Variants in ANKRD36B observed in about 807,000 individuals in gnomAD.
ANKRD36B encodes the protein ankyrin repeat domain 36B.
In ANKRD36B, 37 loss-of-function variants were observed where a neutral mutation model predicts 135.7. The observed-to-expected ratio is 0.27, with a 90% CI of 0.21 to 0.36. The LOEUF (loss-of-function observed/expected upper bound fraction) is 0.36, where lower values mean the gene tolerates loss of function less well. Among genes scored for constraint, ANKRD36B ranks in the 10% least tolerant of loss-of-function variants. The pLI, the probability that ANKRD36B is intolerant of heterozygous loss-of-function variation, is 1.00. For missense variants in ANKRD36B, 549 were observed against 1,037.1 expected, an observed-to-expected ratio of 0.53 and a Z score of 6.46; for synonymous variants, 179 against 348.1, an observed-to-expected ratio of 0.51 and a Z score of 5.41.
chr2:97,546,691 A>T (rs530892022), intron 22 of ANKRD36B, among the ~76,000 whole-genome samples: 4 of 151,896 alleles, frequency 2.6e-5, no homozygotes, highest in African/African-American at 9.6e-5. Context: ...AGAATTCAAC[A>T]TCATTTTTGT....
intron 20 of ANKRD36B, among the ~76,000 whole-genome samples, chr2:97,548,298 CA>C (rs1459622456): frequency 1.3e-5 from 2 of 151,886 alleles, no homozygotes; most frequent in Non-Finnish European, 2.9e-5. Context: ...AGATAATATT[CA>C]TTATCTCTCA....
chr2:97,575,429 C>T (rs1340907744), intron 6 of ANKRD36B, among the ~76,000 whole-genome samples: 2 of 152,012 alleles, frequency 1.3e-5, no homozygotes, highest in African/African-American at 2.4e-5. Context: ...CGTCCTACTC[C>T]TTTCTTGTGT....
intron 22 of ANKRD36B, chr2:97,547,144 G>C (rs147175453): frequency 5.1e-6 from 1 of 197,030 alleles, no homozygotes; most frequent in African/African-American, 2.4e-5. Flanking sequence ...AGTGTCTACG[G>C]GTTGTTACAA....
chr2:97,569,264 T>C (rs1447403920), intron 6 of ANKRD36B, among the ~76,000 whole-genome samples: 1 of 152,142 alleles, frequency 6.6e-6, no homozygotes, highest in Non-Finnish European at 1.5e-5. Context: ...AAAAGCACAA[T>C]GGATAGCTTA....
intron 1 of ANKRD36B, among the ~76,000 whole-genome samples, chr2:97,586,634 C>T (rs2083019747): frequency 1.3e-5 from 2 of 152,024 alleles, no homozygotes; most frequent in Non-Finnish European, 2.9e-5. Context: ...GTGAAAAAAA[C>T]TATAAATTAA....
intron 5 of ANKRD36B, 64 bp downstream of exon 5, chr2:97,578,842 C>T: frequency 6.4e-7 from 1 of 1,571,922 alleles, no homozygotes; most frequent in Non-Finnish European, 8.7e-7. Context: ...ATATAAGATG[C>T]AATTGTTACA....
At chr2:97,587,076 G>T (rs1339704219) in intron 1 of ANKRD36B, among the ~76,000 whole-genome samples, 2 of 152,198 alleles carry the variant, frequency 1.3e-5, no homozygotes, top group African/African-American at 4.8e-5. Context: ...TCAGGAGGCT[G>T]AGGTGGGAGA....
At chr2:97,574,174 G>A (rs1426084516) in intron 6 of ANKRD36B, among the ~76,000 whole-genome samples, 10 of 152,034 alleles carry the variant, frequency 6.6e-5, no homozygotes, top group East Asian at 5.8e-4. Context: ...TCTACAAAGA[G>A]CTCAAACAAA....
chr2:97,528,100 A>AT lies in ANKRD36B; in HGVS notation c.2265+4210dup, dbSNP rs550979408. 2.5e-3 allele frequency among the ~76,000 whole-genome samples: 241 copies of AT among 95,300 alleles called. 68 individuals carry two copies. The highest frequency in any genetic ancestry group is 7.1e-3 in the African/African-American group (225 of 31,666). 62.5% of individuals were successfully genotyped at this position (95,300 alleles called of 152,430 possible). ...TCCACCCCAAATCAACAGAATATACATTTTTTTCAGCACCACACCACACCT... is the reference window on the plus strand; with the variant it reads ...TCCACCCCAAATCAACAGAATATACATTTTTTTTCAGCACCACACCACACCT... On this transcript the variant is annotated intron_variant, in intron 35 of 43. Coordinates refer to ENST00000359901, the MANE Select transcript of ANKRD36B (RefSeq NM_001393939.1).
intron 32 of ANKRD36B, among the ~76,000 whole-genome samples, chr2:97,537,421 CTAAA>C (rs1346180919): frequency 1.0e-5 from 1 of 96,850 alleles, no homozygotes; most frequent in Non-Finnish European, 2.7e-5. Context: ...TTGGAAAAAA[CTAAA>C]TATTCATATT....
chr2:97,513,912 G>A (rs1216831389), intron 37 of ANKRD36B, among the ~76,000 whole-genome samples: 1 of 119,246 alleles, frequency 8.4e-6, no homozygotes, highest in East Asian at 2.2e-4. Flanking sequence ...TTTACCTACA[G>A]CCTGGAAGCC....
chr2:97,527,323 G>A (rs2104415625), intron 35 of ANKRD36B, among the ~76,000 whole-genome samples: 1 of 94,554 alleles, frequency 1.1e-5, no homozygotes, highest in East Asian at 2.3e-4. Flanking sequence ...AAGTGAAGGA[G>A]AAATAAAATA....
intron 1 of ANKRD36B, among the ~76,000 whole-genome samples, chr2:97,589,196 T>C (rs1364766400): frequency 9.1e-6 from 1 of 109,556 alleles, no homozygotes; most frequent in Admixed American, 9.5e-5. Flanking sequence ...CTCTATCCCA[T>C]TGAACCCTCA....
In ANKRD36B at chr2:97,551,590, G is replaced by C. The variant is rs574574681; in HGVS notation, c.1274-110C>G. 340 of 1,527,828 alleles carry C rather than the reference G, an allele frequency of 2.2e-4. 2 individuals carry two copies. In the South Asian group the frequency reaches 3.6e-3, roughly 16 times the overall value. 94.6% of individuals were successfully genotyped at this position (1,527,828 alleles called of 1,614,324 possible). A position where few individuals can be genotyped will look rare whatever the true frequency, so the allele number is the denominator to read the frequency against. On this transcript the variant is annotated intron_variant, in intron 16 of 43. Transcript: ENST00000359901. ...CTGTCCTCCTGCCTGTATTAGCGTA[G>C]GTTTTGATGGCTTCTACTTTGTGTC...
intron 1 of ANKRD36B, 47 bp downstream of exon 1, chr2:97,589,478 A>C (rs2083269485): frequency 6.9e-7 from 1 of 1,447,448 alleles, no homozygotes; most frequent in Non-Finnish European, 9.1e-7. Context: ...GTACTTCTCC[A>C]CATCCACAGG....
At position 97,537,224 on chromosome 2, in the gene ANKRD36B, C is replaced by G. The variant is rs1201138139; in HGVS notation, c.2090-728G>C. On this transcript the variant is annotated intron_variant, in intron 32 of 43. Coordinates refer to ENST00000359901, the MANE Select transcript of ANKRD36B (RefSeq NM_001393939.1). ...CATATTTATACAAAATGGAATTGCT[C>G]CAGGCATTAGATATTAATAAACTTA... Among the ~76,000 whole-genome samples the G allele has an allele frequency of 2.1e-5, 2 of 95,730 alleles. 1 individual carries two copies. The highest frequency in any genetic ancestry group is 5.5e-5 in the Non-Finnish European group (2 of 36,108). The allele number at this position is 95,730 out of a possible 152,430, so 62.8% of individuals were successfully genotyped here.
In ANKRD36B at chr2:97,535,937, T is replaced by C. The variant is rs1217476762; in HGVS notation, c.2191+363A>G. On this transcript the variant is annotated intron_variant, in intron 34 of 43. Transcript: ENST00000359901. Reference sequence around the variant, plus strand: ...AAAATTAGCCGGGCATGGTGGGGCATACCTGTAATCCCAGCTACTCGGGAG... The same window carrying C: ...AAAATTAGCCGGGCATGGTGGGGCACACCTGTAATCCCAGCTACTCGGGAG... Among the ~76,000 whole-genome samples, 3 of 92,976 alleles carry C rather than the reference T, an allele frequency of 3.2e-5. 1 individual carries two copies. Among genetic ancestry groups the C allele is most frequent in the Non-Finnish European group, 5.7e-5 (2 of 35,184 alleles). The allele number at this position is 92,976 out of a possible 152,430, so 61.0% of individuals were successfully genotyped here.
intron 6 of ANKRD36B, among the ~76,000 whole-genome samples, chr2:97,566,180 G>A (rs1171658389): frequency 6.6e-6 from 1 of 151,922 alleles, no homozygotes; most frequent in Non-Finnish European, 1.5e-5. Flanking sequence ...AATTAGCTGA[G>A]TGCGGTGGCA....
intron 22 of ANKRD36B, 118 bp downstream of exon 22, chr2:97,547,418 C>G: frequency 8.8e-7 from 1 of 1,130,738 alleles, no homozygotes; most frequent in Non-Finnish European, 1.3e-6. Flanking sequence ...AATGAAGAAT[C>G]TCAGGACTGC....
Sources: allele counts gnomAD v4.1 joint callset (sites outside exome capture counted in the v4.1 genomes callset), GRCh38; gene constraint gnomAD v4.1.1; transcripts MANE v1.5; gene names NCBI Gene and HGNC (gene_info 2026-07-23, HGNC 2026-07-21).